The following CCDC196 variants were observed in gnomAD, a reference collection of about 807,000 sequenced individuals.
CCDC196 encodes coiled-coil domain containing 196, also known as coiled-coil domain-containing protein 196.
rs1442733607 is a variant in CCDC196, at chr14:66,488,194, G to C, written c.238G>C (p.Gly80Arg). 1 of 413,068 alleles carries C rather than the reference G, an allele frequency of 2.4e-6. No individual in the cohort carries two copies. Among genetic ancestry groups the C allele is most frequent in the Non-Finnish European group, 4.4e-6 (1 of 225,910 alleles). The allele number at this position is 413,068 out of a possible 1,614,324, so 25.6% of individuals were successfully genotyped here. Residue 80 changes from glycine (G) to arginine (R), a missense_variant, in exon 3 of 10, where the codon GGG (glycine) becomes CGG (arginine). Transcript: ENST00000636229. ...QIMRQIMAGK[G>R]CEESSVMELL... ...CATGAGACAGATCATGGCAGGGAAG[G>C]GGTGTGAGGAATCCTCGGTCATGGA...
In CCDC196 at chr14:66,491,716, A is replaced by G. The variant is rs1019379696; in HGVS notation, c.573+31A>G. 9.7e-5 allele frequency: 40 copies of G among 413,556 alleles called. No homozygotes were observed. In the Middle Eastern group the frequency reaches 1.9e-3, roughly 19 times the overall value. 25.6% of individuals were successfully genotyped at this position (413,556 alleles called of 1,614,324 possible). ...AAGATCTTCCAAGGCTGGATATAGG[A>G]TGCAATTTCATTCATATAATACAAA... On this transcript the variant is annotated intron_variant, in intron 7 of 9. Coordinates refer to ENST00000636229, the MANE Select transcript of CCDC196 (RefSeq NM_001351576.1).
At position 66,488,263 on chromosome 14, in the gene CCDC196, A is replaced by G. The variant is rs559738964; in HGVS notation, c.300+7A>G. 11 of 412,804 alleles carry G rather than the reference A, an allele frequency of 2.7e-5. No individual in the cohort carries two copies. The highest frequency in any genetic ancestry group is 2.2e-4 in the Admixed American group (5 of 22,724). The allele number at this position is 412,804 out of a possible 1,614,324, so 25.6% of individuals were successfully genotyped here. A position where few individuals can be genotyped will look rare whatever the true frequency, so the allele number is the denominator to read the frequency against. On this transcript the variant is annotated splice_region_variant and intron_variant, in intron 3 of 9. Transcript: ENST00000636229. ...GGAGATGAAACAGAACTTGGTAAGAAGTAGGAGGGACTCCAGGAACAGCCT... is the reference window on the plus strand; with the variant it reads ...GGAGATGAAACAGAACTTGGTAAGAGGTAGGAGGGACTCCAGGAACAGCCT...
At position 66,486,454 on chromosome 14, in the gene CCDC196, G is replaced by A. The variant is rs964940614; in HGVS notation, c.-49G>A. The A allele has an allele frequency of 2.5e-6, 1 of 404,288 alleles. No homozygotes were observed. Among genetic ancestry groups the A allele is most frequent in the Non-Finnish European group, 4.4e-6 (1 of 225,926 alleles). The allele number at this position is 404,288 out of a possible 1,614,324, so 25.0% of individuals were successfully genotyped here. A position where few individuals can be genotyped will look rare whatever the true frequency, so the allele number is the denominator to read the frequency against. ...ATGACTTAACTGGATAGAAAAAAAGGCACATATTTTCAGGAAGGCCTCTTT... is the reference window on the plus strand; with the variant it reads ...ATGACTTAACTGGATAGAAAAAAAGACACATATTTTCAGGAAGGCCTCTTT... On this transcript the variant is annotated 5_prime_UTR_variant, in exon 1 of 10. Transcript: ENST00000636229.
Position 66,492,040 on chromosome 14 carries a change from T to C in CCDC196, c.574-13T>C. ...ATCCTATATGTGTAGTTTTGGAAAATATTCTCTTTCAGAATGATTTTCATG... is the reference window on the plus strand; with the variant it reads ...ATCCTATATGTGTAGTTTTGGAAAACATTCTCTTTCAGAATGATTTTCATG... On this transcript the variant is annotated splice_polypyrimidine_tract_variant and intron_variant, in intron 7 of 9. Transcript: ENST00000636229. 1 of 413,344 alleles carries C rather than the reference T, an allele frequency of 2.4e-6. No individual in the cohort carries two copies. 25.6% of individuals were successfully genotyped at this position (413,344 alleles called of 1,614,324 possible). A position where few individuals can be genotyped will look rare whatever the true frequency, so the allele number is the denominator to read the frequency against.
chr14:66,486,429 A>G lies in CCDC196; in HGVS notation c.-74A>G, dbSNP rs1165828282. ...TTTCAAGAACAGCAGCACAAAAATA[A>G]TGACTTAACTGGATAGAAAAAAAGG... On this transcript the variant is annotated 5_prime_UTR_variant, in exon 1 of 10. The change abolishes an upstream ATG in the 5' untranslated region. Transcript: ENST00000636229. 2 of 399,740 alleles carry G rather than the reference A, an allele frequency of 5.0e-6. No individual in the cohort carries two copies. Among genetic ancestry groups the G allele is most frequent in the Non-Finnish European group, 4.4e-6 (1 of 225,818 alleles). 24.8% of individuals were successfully genotyped at this position (399,740 alleles called of 1,614,324 possible). A position where few individuals can be genotyped will look rare whatever the true frequency, so the allele number is the denominator to read the frequency against.
intron 1 of CCDC196, 23 bp downstream of exon 1, chr14:66,486,575 T>C (rs2057402619): frequency 2.4e-6 from 1 of 408,632 alleles, no homozygotes; most frequent in South Asian, 1.3e-4. Context: ...TGGAAAATGC[T>C]GAATAGAAAA....
At chr14:66,497,129 G>A (rs1023202649) in intron 8 of CCDC196, among the ~76,000 whole-genome samples, 22 of 152,066 alleles carry the variant, frequency 1.4e-4, no homozygotes, top group African/African-American at 5.1e-4. Flanking sequence ...GCTCAAATCC[G>A]GGTCCTTGAT....
At chr14:66,493,680 A>G (rs1220817194) in intron 8 of CCDC196, 1 of 152,226 alleles carries the variant, frequency 6.6e-6, no homozygotes, top group Non-Finnish European at 1.5e-5. Context: ...GGCTTGATCC[A>G]TAGGTAAATT....
At chr14:66,488,790 T>G (rs991331474) in intron 3 of CCDC196, among the ~76,000 whole-genome samples, 197 bp from the exon 4 acceptor site, 6 of 148,920 alleles carry the variant, frequency 4.0e-5, no homozygotes, top group African/African-American at 1.2e-4. Context: ...AATAACTTGG[T>G]TTTTTTTTTA....
chr14:66,486,412 A>G lies in CCDC196; in HGVS notation c.-91A>G. 2 of 398,456 alleles carry G rather than the reference A, an allele frequency of 5.0e-6. No individual in the cohort carries two copies. The highest frequency in any genetic ancestry group is 8.9e-6 in the Non-Finnish European group (2 of 225,722). 24.7% of individuals were successfully genotyped at this position (398,456 alleles called of 1,614,324 possible). A position where few individuals can be genotyped will look rare whatever the true frequency, so the allele number is the denominator to read the frequency against. ...GTCCACTGCAGCAGGAGTTTCAAGA[A>G]CAGCAGCACAAAAATAATGACTTAA... is the stretch of plus-strand genomic sequence containing the variant. On this transcript the variant is annotated 5_prime_UTR_variant, in exon 1 of 10. Transcript: ENST00000636229.
intron 8 of CCDC196, 145 bp downstream of exon 8, chr14:66,492,339 C>CTTT (rs11449017): frequency 2.2e-3 from 663 of 297,312 alleles, no homozygotes; most frequent in Middle Eastern, 7.0e-3. Flanking sequence ...TTTTCATTAT[C>CTTT]TTTTTTTTTT....
At chr14:66,492,531 G>A (rs764185750) in intron 8 of CCDC196, among the ~76,000 whole-genome samples, 10 of 151,810 alleles carry the variant, frequency 6.6e-5, no homozygotes, top group Non-Finnish European at 8.8e-5. Flanking sequence ...TAGTAGAGAC[G>A]GGGTTTCACC....
intron 4 of CCDC196, among the ~76,000 whole-genome samples, chr14:66,489,262 G>A (rs2057482959): frequency 6.6e-6 from 1 of 152,094 alleles, no homozygotes; most frequent in African/African-American, 2.4e-5. Context: ...GCATAATCTG[G>A]CTCTTGCCTA....
chr14:66,495,173 C>T lies in CCDC196; in HGVS notation c.716-2936C>T, dbSNP rs117225850. 4.5e-4 allele frequency among the ~76,000 whole-genome samples: 68 copies of T among 152,188 alleles called. No individual in the cohort carries two copies. In the East Asian group the frequency reaches 0.013, roughly 29 times the overall value. On this transcript the variant is annotated intron_variant, in intron 8 of 9. Transcript: ENST00000636229. Reference sequence around the variant, plus strand: ...AGTATTTAATGCCTTGTCCCAACACCGAAATTTATCCCAATTGCCACCTAA... The same window carrying T: ...AGTATTTAATGCCTTGTCCCAACACTGAAATTTATCCCAATTGCCACCTAA...
chr14:66,497,185 G>A (rs962023508), intron 8 of CCDC196, among the ~76,000 whole-genome samples: 1 of 152,098 alleles, frequency 6.6e-6, no homozygotes, highest in Non-Finnish European at 1.5e-5. Context: ...AAGCTTTGAG[G>A]CAACCTGAAC....
chr14:66,497,631 AG>A, intron 8 of CCDC196, among the ~76,000 whole-genome samples: 1 of 152,184 alleles, frequency 6.6e-6, no homozygotes, highest in Admixed American at 6.5e-5. Flanking sequence ...AATTTAGAAC[AG>A]ACTCACTATC....
At chr14:66,490,894 G>T in intron 5 of CCDC196, 75 bp downstream of exon 5, 1 of 409,068 alleles carries the variant, frequency 2.4e-6, no homozygotes. Flanking sequence ...CTGACAATCA[G>T]GGCTAATTTG....
chr14:66,497,434 G>C (rs997688722), intron 8 of CCDC196, among the ~76,000 whole-genome samples: 3 of 152,070 alleles, frequency 2.0e-5, no homozygotes, highest in Admixed American at 2.0e-4. Flanking sequence ...GAGTGCAGCA[G>C]TATGTCTAGG....
intron 8 of CCDC196, chr14:66,496,307 C>G (rs571291097): frequency 5.6e-4 from 257 of 456,138 alleles, no homozygotes; most frequent in Non-Finnish European, 1.0e-3. Context: ...GTCCGATGTG[C>G]TGGTTGGCTG....
Sources: allele counts gnomAD v4.1 joint callset (sites outside exome capture counted in the v4.1 genomes callset), GRCh38; gene constraint gnomAD v4.1.1; transcripts MANE v1.5; gene names NCBI Gene and HGNC (gene_info 2026-07-23, HGNC 2026-07-21).